PVT1: variants seen among roughly 807,000 people sequenced by gnomAD.
PVT1 encodes the protein CXCR4/PVT1 fusion.
At chr8:128,014,181 G>T (rs1242573546) in intron 4 of PVT1, among the ~76,000 whole-genome samples, 1 of 152,186 alleles carries the variant, frequency 6.6e-6, no homozygotes, top group East Asian at 1.9e-4. Flanking sequence ...TCCCTCCCAG[G>T]GTTTAGGTCA....
At chr8:128,093,434 G>A (rs1027221579) in intron 5 of PVT1, among the ~76,000 whole-genome samples, 3 of 152,096 alleles carry the variant, frequency 2.0e-5, no homozygotes, top group African/African-American at 4.8e-5. Context: ...GCAGCTGCCT[G>A]TAATCCCAGC....
chr8:128,020,689 C>G (rs1041330737), intron 4 of PVT1, among the ~76,000 whole-genome samples: 4 of 152,250 alleles, frequency 2.6e-5, no homozygotes, highest in Non-Finnish European at 5.9e-5. Flanking sequence ...CCAGCTGAGC[C>G]AACCCACATT....
intron 3 of PVT1, among the ~76,000 whole-genome samples, chr8:127,902,425 C>CT (rs777284762): frequency 0.026 from 3,405 of 130,800 alleles, 45 homozygotes; most frequent in African/African-American, 0.048. Context: ...GTTCTATTTT[C>CT]TTTTTTTTTT....
At chr8:128,077,981 G>A (rs1814112846) in intron 5 of PVT1, among the ~76,000 whole-genome samples, 1 of 152,190 alleles carries the variant, frequency 6.6e-6, no homozygotes, top group Non-Finnish European at 1.5e-5. Flanking sequence ...AACTAGAATG[G>A]GCAGAGAGGG....
At chr8:127,837,250 C>T (rs1814919395) in intron 2 of PVT1, among the ~76,000 whole-genome samples, 1 of 152,198 alleles carries the variant, frequency 6.6e-6, no homozygotes, top group Non-Finnish European at 1.5e-5. Context: ...AGGCCATGGG[C>T]TCGCCTTCCA....
In PVT1 at chr8:127,898,460, C is replaced by T. The variant is rs1815714949; in HGVS notation, n.782+7462C>T. Among the ~76,000 whole-genome samples, 1 of 152,236 alleles carries T rather than the reference C, an allele frequency of 6.6e-6. No homozygotes were observed. The highest frequency in any genetic ancestry group is 1.5e-5 in the Non-Finnish European group (1 of 68,044). On this transcript the variant is annotated intron_variant and non_coding_transcript_variant, in intron 3 of 10. Transcript: ENST00000651587. This position sits in a 1 kb window ranked among gnomAD's most constrained non-coding sequence, Gnocchi z 4.4. ...TAAAGCCTCAAGATACATTCTGTTT[C>T]TGGCTCAGGGAACCTTCAGGGAAAA...
intron 3 of PVT1, among the ~76,000 whole-genome samples, chr8:127,950,560 A>G (rs1816494675): frequency 6.6e-6 from 1 of 152,228 alleles, no homozygotes; most frequent in African/African-American, 2.4e-5. Context: ...CACCAGGCTC[A>G]GATGGAATTT....
intron 2 of PVT1, among the ~76,000 whole-genome samples, chr8:127,851,100 T>A (rs1815102997): frequency 6.6e-6 from 1 of 152,044 alleles, no homozygotes; most frequent in Non-Finnish European, 1.5e-5. Flanking sequence ...AAACAGGAAT[T>A]CAGAACAAAT....
At chr8:127,935,430 T>G (rs926717282) in intron 3 of PVT1, among the ~76,000 whole-genome samples, 4 of 150,978 alleles carry the variant, frequency 2.6e-5, no homozygotes, top group Admixed American at 1.3e-4. Flanking sequence ...CAGGTCAGGG[T>G]GTGTGTGTGT....
At chr8:128,058,070 G>A (rs765571025) in intron 4 of PVT1, among the ~76,000 whole-genome samples, 5 of 152,174 alleles carry the variant, frequency 3.3e-5, no homozygotes, top group Admixed American at 6.5e-5. Context: ...GAACATCAGC[G>A]TCACTGAATG....
intron 2 of PVT1, among the ~76,000 whole-genome samples, chr8:127,846,262 G>T (rs1305171661): frequency 6.6e-6 from 1 of 152,118 alleles, no homozygotes; most frequent in Non-Finnish European, 1.5e-5. Context: ...GGTAAGACCC[G>T]GTTACTTGGC....
At chr8:127,997,181 A>G (rs920069735) in intron 4 of PVT1, among the ~76,000 whole-genome samples, 8 of 151,606 alleles carry the variant, frequency 5.3e-5, no homozygotes, top group African/African-American at 1.7e-4. Context: ...AGCTGAGATT[A>G]CAGGCATGCG....
intron 5 of PVT1, among the ~76,000 whole-genome samples, chr8:128,071,589 G>A (rs1179618773): frequency 6.6e-6 from 1 of 151,862 alleles, no homozygotes; most frequent in Non-Finnish European, 1.5e-5. Flanking sequence ...GGAGGCTGAG[G>A]TGGGAGGATC....
intron 5 of PVT1, among the ~76,000 whole-genome samples, chr8:128,073,553 C>T (rs934995294): frequency 6.6e-6 from 1 of 152,130 alleles, no homozygotes; most frequent in African/African-American, 2.4e-5. Context: ...TAGCAATGAG[C>T]TCCCAGGCAG....
chr8:127,929,660 C>T (rs1297297495), intron 3 of PVT1, among the ~76,000 whole-genome samples: 4 of 151,788 alleles, frequency 2.6e-5, no homozygotes, highest in East Asian at 1.9e-4. Flanking sequence ...CCCAGCTACT[C>T]GGGAGGCTGA....
At chr8:128,085,507 T>C (rs993710507) in intron 5 of PVT1, among the ~76,000 whole-genome samples, 8 of 152,094 alleles carry the variant, frequency 5.3e-5, no homozygotes, top group Non-Finnish European at 1.5e-5. Context: ...TTTTTAACAC[T>C]CTGGGCATCA....
chr8:127,828,853 C>T (rs944595874), intron 2 of PVT1, among the ~76,000 whole-genome samples: 3 of 152,084 alleles, frequency 2.0e-5, no homozygotes, highest in Non-Finnish European at 2.9e-5. Flanking sequence ...GCCAGATGCT[C>T]GTTCCAAGTT....
At chr8:128,086,189 A>G (rs1352194067) in intron 5 of PVT1, among the ~76,000 whole-genome samples, 1 of 152,170 alleles carries the variant, frequency 6.6e-6, no homozygotes, top group Non-Finnish European at 1.5e-5. Flanking sequence ...GTTCTTGAGA[A>G]TTTCCTTTTT....
chr8:128,036,204 C>T (rs1261070545), intron 4 of PVT1, among the ~76,000 whole-genome samples: 1 of 152,194 alleles, frequency 6.6e-6, no homozygotes, highest in African/African-American at 2.4e-5. Flanking sequence ...CATGTTACTT[C>T]TCAAAGCCCC....
Sources: gnomAD v4.1 joint callset for allele counts (sites outside exome capture counted in the v4.1 genomes callset) on GRCh38, gnomAD v4.1.1 for gene constraint, Gnocchi (gnomAD v3.1) non-coding constraint, MANE v1.5 for transcripts, NCBI Gene and HGNC (gene_info 2026-07-23, HGNC 2026-07-21) for gene names.